The following GBF1 variants were observed in gnomAD, a reference collection of about 807,000 sequenced individuals.
GBF1 encodes the protein golgi brefeldin A resistant guanine nucleotide exchange factor 1, also known as Golgi-specific brefeldin A-resistance guanine nucleotide exchange factor 1.
A neutral mutation model predicts 210.5 loss-of-function variants in GBF1; 114 were observed. That is an observed-to-expected ratio of 0.54 (90% CI 0.47 to 0.63). GBF1 has a LOEUF of 0.63. Ranked by LOEUF, GBF1 falls within the 30% of genes least tolerant of loss-of-function variation. The pLI is 0.00. For missense variants in GBF1, 1,851 were observed against 2,357.7 expected, an observed-to-expected ratio of 0.79 and a Z score of 4.45; for synonymous variants, 850 against 889.2, an observed-to-expected ratio of 0.96 and a Z score of 0.78.
chr10:102,242,928 C>CAAAAAAAAAAAAAAAAAAA (rs58301527), upstream of GBF1, among the ~76,000 whole-genome samples: 15 of 132,400 alleles, frequency 1.1e-4, no homozygotes, highest in African/African-American at 4.3e-4. Flanking sequence ...GACTCTGTCT[C>CAAAAAAAAAAAAAAAAAAA]AAAAAAAAAA....
chr10:102,374,352 A>C (rs2060374117), intron 29 of GBF1, among the ~76,000 whole-genome samples: 1 of 151,854 alleles, frequency 6.6e-6, no homozygotes, highest in Non-Finnish European at 1.5e-5. Context: ...CATCTCAAAA[A>C]AAAAAAGAAT....
intron 22 of GBF1, 109 bp from the exon 23 acceptor site, chr10:102,368,630 G>A (rs1210346796): frequency 2.3e-6 from 2 of 876,592 alleles, no homozygotes; most frequent in Non-Finnish European, 3.7e-6. Context: ...AAATTAAAAG[G>A]TTTCTTCCTG....
intron 3 of GBF1, among the ~76,000 whole-genome samples, chr10:102,335,225 G>C (rs182309709): frequency 5.9e-4 from 90 of 152,288 alleles, no homozygotes; most frequent in Middle Eastern, 3.4e-3. Context: ...TCCCCTCCTT[G>C]TGCCCTTTTT....
chr10:102,369,360 C>G lies in GBF1; in HGVS notation c.3123C>G (p.Ala1041=). The part of the protein sequence containing the change: ...IMEAMLQLFR[A]QLLPKAMIEV... Reference sequence around the variant, plus strand: ...AGGCCATGCTGCAGCTCTTCCGAGCCCAACTACTGCCCAAGGCTATGATAG... The same window carrying G: ...AGGCCATGCTGCAGCTCTTCCGAGCGCAACTACTGCCCAAGGCTATGATAG... Residue 1041 remains alanine (A), a synonymous_variant, in exon 24 of 40, where the codon GCC becomes GCG. Transcript: ENST00000369983. 1 of 1,613,688 alleles carries G rather than the reference C, an allele frequency of 6.2e-7. No homozygotes were observed. The highest frequency in any genetic ancestry group is 8.5e-7 in the Non-Finnish European group (1 of 1,179,616).
At chr10:102,275,892 C>G (rs1218821869) in intron 3 of GBF1, among the ~76,000 whole-genome samples, 1 of 152,166 alleles carries the variant, frequency 6.6e-6, no homozygotes, top group Non-Finnish European at 1.5e-5. Flanking sequence ...CATTAATCCT[C>G]CCAAGTGAGC....
chr10:102,369,153 A>G, intron 23 of GBF1, 58 bp from the exon 24 acceptor site: 1 of 1,269,922 alleles, frequency 7.9e-7, no homozygotes, highest in Non-Finnish European at 1.1e-6. Flanking sequence ...GAGACCTAAG[A>G]GATTTTCCTT....
intron 3 of GBF1, among the ~76,000 whole-genome samples, chr10:102,276,151 C>T (rs1447366468): frequency 2.0e-5 from 3 of 152,070 alleles, no homozygotes; most frequent in Non-Finnish European, 2.9e-5. Flanking sequence ...GCAGGAGAAT[C>T]GCTTGAACCT....
At chr10:102,303,234 C>G (rs944382569) in intron 3 of GBF1, among the ~76,000 whole-genome samples, 1 of 152,042 alleles carries the variant, frequency 6.6e-6, no homozygotes, top group African/African-American at 2.4e-5. Context: ...GTGATCCACC[C>G]ACCTCGGCCT....
At chr10:102,281,723 T>A (rs867703574) in intron 3 of GBF1, among the ~76,000 whole-genome samples, 16 of 151,566 alleles carry the variant, frequency 1.1e-4, no homozygotes, top group Middle Eastern at 3.2e-3. Context: ...ATGACACATT[T>A]GTCACAATTA....
intron 22 of GBF1, 77 bp downstream of exon 22, chr10:102,368,531 C>T: frequency 2.1e-6 from 2 of 933,486 alleles, no homozygotes; most frequent in South Asian, 1.4e-5. Flanking sequence ...GCCTCTCTGA[C>T]TCCTACTGTT....
the GBF1 span, chr10:102,230,765 C>T: frequency 1.3e-6 from 2 of 1,499,922 alleles, no homozygotes; most frequent in African/African-American, 1.5e-5. Context: ...GGGGGGCCCC[C>T]GCCCAGGCCC....
chr10:102,361,723 C>A lies in GBF1; in HGVS notation c.1497C>A (p.Tyr499Ter). The A allele has an allele frequency of 6.4e-7, 1 of 1,573,408 alleles. No homozygotes were observed. The highest frequency in any genetic ancestry group is 8.6e-7 in the Non-Finnish European group (1 of 1,159,120). The part of the protein sequence containing the change: ...REHLKFQMEM[Y>*]IKKLMEIITV... ...AATTACTGGGTTATTGCCAGATGTA[C>A]ATCAAAAAGCTTATGGAGATCATCA... Residue 499 changes from tyrosine (Y) to a stop codon, truncating the protein, a stop_gained, in exon 14 of 40, where the codon TAC (tyrosine) becomes TAA (stop). Coordinates refer to ENST00000369983, the MANE Select transcript of GBF1 (RefSeq NM_001377137.1). LOFTEE classifies it high-confidence loss of function.
At chr10:102,259,535 AC>A (rs2072918735) in intron 2 of GBF1, among the ~76,000 whole-genome samples, 1 of 152,114 alleles carries the variant, frequency 6.6e-6, no homozygotes, top group Admixed American at 6.6e-5. Context: ...ATGTTTGAGG[AC>A]TTTTTTTTGT....
chr10:102,370,993 G>A, intron 29 of GBF1, 133 bp downstream of exon 29: 1 of 855,558 alleles, frequency 1.2e-6, no homozygotes, highest in Non-Finnish European at 1.8e-6. Context: ...CAACCACAGG[G>A]CTGGTGCAGT....
At chr10:102,364,073 G>A (rs1195802749) in intron 17 of GBF1, among the ~76,000 whole-genome samples, 1 of 152,184 alleles carries the variant, frequency 6.6e-6, no homozygotes, top group Non-Finnish European at 1.5e-5. Flanking sequence ...AGCCTTGGGA[G>A]TTGGTGTCTT....
intron 14 of GBF1, 58 bp from the exon 15 acceptor site, chr10:102,362,417 G>C: frequency 8.0e-7 from 1 of 1,250,898 alleles, no homozygotes; most frequent in Non-Finnish European, 1.1e-6. Flanking sequence ...TTTAGAAAAT[G>C]ATCAAAGTGT....
intron 3 of GBF1, among the ~76,000 whole-genome samples, chr10:102,330,447 G>T (rs1017283600): frequency 2.6e-5 from 4 of 152,118 alleles, no homozygotes; most frequent in Non-Finnish European, 4.4e-5. Context: ...ACTTTGGGAG[G>T]CTGAGGCAGG....
intron 3 of GBF1, among the ~76,000 whole-genome samples, chr10:102,303,383 C>T (rs191032357): frequency 1.1e-4 from 17 of 152,256 alleles, no homozygotes; most frequent in African/African-American, 3.9e-4. Flanking sequence ...AAGGCTATTC[C>T]CCATTGCATG....
At chr10:102,288,109 A>G (rs17114444) in intron 3 of GBF1, among the ~76,000 whole-genome samples, 1 of 152,158 alleles carries the variant, frequency 6.6e-6, no homozygotes, top group Non-Finnish European at 1.5e-5. Context: ...TTTCTAAAGC[A>G]AGCCAGTAAG....
Sources: gnomAD v4.1 joint callset for allele counts (sites outside exome capture counted in the v4.1 genomes callset) on GRCh38, gnomAD v4.1.1 for gene constraint, MANE v1.5 for transcripts, NCBI Gene and HGNC (gene_info 2026-07-23, HGNC 2026-07-21) for gene names.